NAV2: variants seen among roughly 807,000 people sequenced by gnomAD.
NAV2 encodes neuron navigator 2.
Under a neutral mutation model 223.2 loss-of-function variants are expected in NAV2, and 54 were observed. That is an observed-to-expected ratio of 0.24 (90% CI 0.19 to 0.30). NAV2 has a LOEUF of 0.30. Among genes scored for constraint, NAV2 ranks in the 10% least tolerant of loss-of-function variants. The probability of loss-of-function intolerance (pLI) is 1.00; values close to 1 mark genes in which losing one functional copy is unlikely to be tolerated. For missense variants in NAV2, 2,806 were observed against 3,147.5 expected, an observed-to-expected ratio of 0.89 and a Z score of 2.60; for synonymous variants, 1,279 against 1,239.3, an observed-to-expected ratio of 1.03 and a Z score of -0.67.
intron 3 of NAV2, among the ~76,000 whole-genome samples, chr11:19,855,264 G>A (rs2152990171): frequency 6.6e-6 from 1 of 152,268 alleles, no homozygotes; most frequent in East Asian, 1.9e-4. Flanking sequence ...TTTCAAGAAA[G>A]GAATAATTAT....
chr11:19,604,053 G>A (rs1590658170), intron 1 of NAV2, among the ~76,000 whole-genome samples: 1 of 152,042 alleles, frequency 6.6e-6, no homozygotes, highest in East Asian at 1.9e-4. Context: ...AAGAGAAGTA[G>A]GCAGTAGCAT....
At chr11:19,601,990 C>T in intron 1 of NAV2, among the ~76,000 whole-genome samples, 1 of 152,168 alleles carries the variant, frequency 6.6e-6, no homozygotes, top group East Asian at 1.9e-4. Flanking sequence ...ACCTGCCCCA[C>T]CAGGGCCCCA....
At chr11:19,445,290 T>A (rs1486472212) in intron 1 of NAV2, among the ~76,000 whole-genome samples, 1 of 152,078 alleles carries the variant, frequency 6.6e-6, no homozygotes, top group Non-Finnish European at 1.5e-5. Context: ...TTTTTAGTCC[T>A]ACTGGCCAAC....
At chr11:20,067,279 T>C (rs1245002583) in intron 20 of NAV2, among the ~76,000 whole-genome samples, 4 of 152,070 alleles carry the variant, frequency 2.6e-5, no homozygotes, top group African/African-American at 9.7e-5. Context: ...CTTTCTACCC[T>C]GGTGCTCCCA....
intron 1 of NAV2, among the ~76,000 whole-genome samples, chr11:19,470,602 C>G (rs1168454199): frequency 1.3e-5 from 2 of 152,156 alleles, no homozygotes; most frequent in African/African-American, 2.4e-5. Flanking sequence ...TCTATCGTGA[C>G]CATAATGACC....
At chr11:20,028,683 C>T (rs565359042) in intron 11 of NAV2, among the ~76,000 whole-genome samples, 5 of 152,260 alleles carry the variant, frequency 3.3e-5, no homozygotes, top group East Asian at 1.9e-4. Context: ...ATGAGCTCTG[C>T]GTCCTAAGTC....
At chr11:19,938,361 A>T (rs1591329968) in intron 7 of NAV2, among the ~76,000 whole-genome samples, 1 of 152,174 alleles carries the variant, frequency 6.6e-6, no homozygotes, top group Non-Finnish European at 1.5e-5. Context: ...GGTCATCTAG[A>T]TGGGTGGCTC....
intron 1 of NAV2, among the ~76,000 whole-genome samples, chr11:19,489,705 T>C (rs955884064): frequency 3.3e-5 from 5 of 152,218 alleles, no homozygotes; most frequent in African/African-American, 1.2e-4. Context: ...AGAATTGTCT[T>C]GTGGAGTATT....
intron 1 of NAV2, among the ~76,000 whole-genome samples, chr11:19,646,026 G>A (rs977479903): frequency 2.6e-5 from 4 of 152,154 alleles, no homozygotes; most frequent in Non-Finnish European, 5.9e-5. Flanking sequence ...AGGTAACATT[G>A]GCTGCCACGG....
At chr11:19,507,275 A>T (rs4423163) in intron 1 of NAV2, 1 of 152,052 alleles carries the variant, frequency 6.6e-6, no homozygotes, top group South Asian at 2.1e-4. Context: ...GAGTGTTGCC[A>T]TGGTGACTGG....
intron 1 of NAV2, among the ~76,000 whole-genome samples, chr11:19,468,432 C>G (rs1852446830): frequency 3.3e-5 from 5 of 152,090 alleles, no homozygotes; most frequent in Admixed American, 3.3e-4. Flanking sequence ...TCCTGGAAGG[C>G]ATTCTTTGGC....
chr11:19,351,683 A>G (rs1466230437), intron 1 of NAV2, among the ~76,000 whole-genome samples: 4 of 151,696 alleles, frequency 2.6e-5, no homozygotes, highest in Admixed American at 6.6e-5. Context: ...ACATCTTCTC[A>G]CTCTTGGGGC....
intron 11 of NAV2, among the ~76,000 whole-genome samples, chr11:20,006,724 T>C (rs1050684267): frequency 6.6e-6 from 1 of 151,850 alleles, no homozygotes; most frequent in African/African-American, 2.4e-5. Flanking sequence ...TAGTGGCACA[T>C]GCCTGCAGTC....
At chr11:19,968,993 C>A (rs560308889) in intron 10 of NAV2, among the ~76,000 whole-genome samples, 179 of 152,172 alleles carry the variant, frequency 1.2e-3, no homozygotes, top group Non-Finnish European at 2.0e-3. Context: ...TGTCTCATGC[C>A]CAGGTTACCT....
intron 5 of NAV2, among the ~76,000 whole-genome samples, chr11:19,890,289 C>T (rs567532095): frequency 6.6e-6 from 1 of 152,244 alleles, no homozygotes; most frequent in Admixed American, 6.5e-5. Flanking sequence ...CACAGAGGAC[C>T]AGACTGCCTA....
Position 20,120,440 on chromosome 11 carries a change from C to T in NAV2, c.*2182C>T, listed in dbSNP as rs1214655045. The T allele has an allele frequency of 1.3e-5, 2 of 152,586 alleles. No individual in the cohort carries two copies. The highest frequency in any genetic ancestry group is 4.8e-5 in the African/African-American group (2 of 41,434). 9.5% of individuals were successfully genotyped at this position (152,586 alleles called of 1,614,324 possible). On this transcript the variant is annotated 3_prime_UTR_variant, in exon 38 of 38. Transcript: ENST00000349880. ...GCCAAACCCTAAGATTTCTGGTAAACCTGAAGGGTGGCCCTCCTCAGACAA... is the reference window on the plus strand; with the variant it reads ...GCCAAACCCTAAGATTTCTGGTAAATCTGAAGGGTGGCCCTCCTCAGACAA...
At chr11:19,934,866 C>A (rs2045706349) in intron 7 of NAV2, among the ~76,000 whole-genome samples, 1 of 152,004 alleles carries the variant, frequency 6.6e-6, no homozygotes, top group Admixed American at 6.5e-5. Context: ...AGGAGATAAG[C>A]CTGGGTGTTT....
intron 1 of NAV2, among the ~76,000 whole-genome samples, chr11:19,644,682 C>T (rs2047767559): frequency 6.6e-6 from 1 of 152,204 alleles, no homozygotes; most frequent in Non-Finnish European, 1.5e-5. Flanking sequence ...ACTACAGGGC[C>T]TGAGACTGCA....
chr11:19,406,206 T>A (rs4757795), intron 1 of NAV2, among the ~76,000 whole-genome samples: 97,549 of 151,958 alleles, frequency 0.64, 31,841 homozygotes, highest in Non-Finnish European at 0.7. Flanking sequence ...GCTAAGCTTG[T>A]GGGAGCACAC....
Sources: allele counts gnomAD v4.1 joint callset (sites outside exome capture counted in the v4.1 genomes callset), GRCh38; gene constraint gnomAD v4.1.1; transcripts MANE v1.5; gene names NCBI Gene and HGNC (gene_info 2026-07-23, HGNC 2026-07-21).